Variants in SLC2A13 observed in about 807,000 individuals in gnomAD.
SLC2A13 encodes solute carrier family 2 member 13.
Under a neutral mutation model 64.4 loss-of-function variants are expected in SLC2A13, and 32 were observed. The ratio of observed to expected loss-of-function variants is 0.50; its 90% CI spans 0.37 to 0.67. SLC2A13 has a LOEUF of 0.67. SLC2A13 is among the 30% of genes least tolerant of loss of function. The pLI, the probability that SLC2A13 is intolerant of heterozygous loss-of-function variation, is 0.00. For missense variants in SLC2A13, 743 were observed against 829.2 expected, an observed-to-expected ratio of 0.90 and a Z score of 1.28; for synonymous variants, 338 against 327.1, an observed-to-expected ratio of 1.03 and a Z score of -0.36.
intron 2 of SLC2A13, among the ~76,000 whole-genome samples, chr12:40,038,604 A>G (rs1414099426): frequency 2.0e-5 from 3 of 151,788 alleles, no homozygotes; most frequent in African/African-American, 7.3e-5. Flanking sequence ...GGTGGCATGT[A>G]CTTCTAGTCC....
At position 40,028,295 on chromosome 12, in the gene SLC2A13, A is replaced by G; in HGVS notation, c.925+6T>C. 6.2e-7 allele frequency: 1 copy of G among 1,609,658 alleles called. No homozygotes were observed. Among genetic ancestry groups the G allele is most frequent in the Non-Finnish European group, 8.5e-7 (1 of 1,176,550 alleles). The stretch of plus-strand genomic sequence containing the variant: ...TTAAATTCATATAAGTATAAAGTCT[A>G]TATACCTGAGCCAACCTCTTTTTCC... On this transcript the variant is annotated splice_donor_region_variant and intron_variant, in intron 3 of 9. Coordinates refer to ENST00000280871, the MANE Select transcript of SLC2A13 (RefSeq NM_052885.4).
At chr12:40,100,217 G>A (rs1431395144) in intron 1 of SLC2A13, among the ~76,000 whole-genome samples, 1 of 152,176 alleles carries the variant, frequency 6.6e-6, no homozygotes, top group Non-Finnish European at 1.5e-5. Flanking sequence ...GGCTGACACA[G>A]GAGAAACTGA....
At position 40,105,307 on chromosome 12, in the gene SLC2A13, C is replaced by T; in HGVS notation, c.502G>A (p.Ala168Thr). The change falls in exon 1 of 10, where the codon GCC becomes ACC. Residue 168 changes from alanine to threonine, a missense_variant. By Grantham distance (58) the Ala-to-Thr change is moderately conservative (BLOSUM62 0). Transcript: ENST00000280871. The surrounding 1 kb of genome is among the most constrained non-coding windows in gnomAD (Gnocchi z 4.2). ...FTAGSAVLAA[A>T]NNKETLLAGR... is the part of the protein sequence containing the mutation. Reference sequence around the variant, plus strand: ...GCGAGCAGTGTCTCCTTGTTGTTGGCCGCAGCCAGCACCGCGGAGCCGGCG... The same window carrying T: ...GCGAGCAGTGTCTCCTTGTTGTTGGTCGCAGCCAGCACCGCGGAGCCGGCG... 1 of 1,601,534 alleles carries T rather than the reference C, an allele frequency of 6.2e-7. No homozygotes were observed. Among genetic ancestry groups the T allele is most frequent in the Non-Finnish European group, 8.5e-7 (1 of 1,175,808 alleles).
chr12:39,894,875 G>C (rs1210848426), intron 4 of SLC2A13, among the ~76,000 whole-genome samples: 1 of 152,176 alleles, frequency 6.6e-6, no homozygotes, highest in African/African-American at 2.4e-5. Context: ...AAGAAAAAAA[G>C]AAGAAATGGA....
chr12:39,953,098 G>T (rs1218443913), intron 3 of SLC2A13, among the ~76,000 whole-genome samples: 1 of 152,212 alleles, frequency 6.6e-6, no homozygotes, highest in African/African-American at 2.4e-5. Context: ...TTGGAAAGAT[G>T]CATCTACTTT....
chr12:40,098,758 C>A (rs892594895), intron 1 of SLC2A13, among the ~76,000 whole-genome samples: 1 of 152,154 alleles, frequency 6.6e-6, no homozygotes, highest in Admixed American at 6.5e-5. Flanking sequence ...CCGTATTATC[C>A]CCCTGGGTTA....
chr12:39,895,725 C>T (rs1432897532), intron 4 of SLC2A13, among the ~76,000 whole-genome samples: 1 of 108,934 alleles, frequency 9.2e-6, no homozygotes, highest in African/African-American at 3.4e-5. Context: ...TATGTATATG[C>T]GTGTATACGT....
At chr12:39,867,129 C>A (rs918935836) in intron 5 of SLC2A13, among the ~76,000 whole-genome samples, 1 of 152,136 alleles carries the variant, frequency 6.6e-6, no homozygotes, top group Non-Finnish European at 1.5e-5. Context: ...ACAAAACGAA[C>A]CATGAGATTT....
chr12:39,801,861 G>C (rs1193753547), intron 7 of SLC2A13, among the ~76,000 whole-genome samples: 2 of 152,126 alleles, frequency 1.3e-5, no homozygotes, highest in Admixed American at 1.3e-4. Flanking sequence ...AGACTAATTA[G>C]GAAAGCAGAC....
At chr12:39,866,177 T>C (rs1313007634) in intron 5 of SLC2A13, among the ~76,000 whole-genome samples, 3 of 152,188 alleles carry the variant, frequency 2.0e-5, no homozygotes. Context: ...TGAACAAAAA[T>C]ATTCAAAATA....
At chr12:40,000,845 C>A (rs1405535464) in intron 3 of SLC2A13, among the ~76,000 whole-genome samples, 2 of 152,164 alleles carry the variant, frequency 1.3e-5, no homozygotes, top group African/African-American at 4.8e-5. Flanking sequence ...AGGACTTCAA[C>A]ATATGAATTT....
chr12:40,080,977 A>G (rs1938374884), intron 1 of SLC2A13, among the ~76,000 whole-genome samples: 1 of 152,196 alleles, frequency 6.6e-6, no homozygotes, highest in African/African-American at 2.4e-5. Context: ...TTGGCTGGAA[A>G]TGGAATTCTT....
intron 6 of SLC2A13, among the ~76,000 whole-genome samples, chr12:39,857,472 C>T (rs1186082425): frequency 6.6e-6 from 1 of 152,152 alleles, no homozygotes; most frequent in African/African-American, 2.4e-5. Context: ...CATTCCCCTC[C>T]AAAATATCTC....
intron 2 of SLC2A13, among the ~76,000 whole-genome samples, chr12:40,029,101 C>T (rs1330855947): frequency 6.6e-6 from 1 of 152,082 alleles, no homozygotes; most frequent in African/African-American, 2.4e-5. Flanking sequence ...AATCAATAAT[C>T]CTAATAAAAA....
chr12:39,796,057 C>T (rs996914105), intron 7 of SLC2A13, among the ~76,000 whole-genome samples: 38 of 152,142 alleles, frequency 2.5e-4, no homozygotes, highest in African/African-American at 8.4e-4. Flanking sequence ...TCCCCCCAGC[C>T]TCTGGCAACT....
chr12:40,065,991 T>C (rs971844333), intron 1 of SLC2A13, among the ~76,000 whole-genome samples: 1 of 152,162 alleles, frequency 6.6e-6, no homozygotes, highest in African/African-American at 2.4e-5. Context: ...GGCTAAACAG[T>C]CCCTCTAAAA....
In SLC2A13 at chr12:39,760,234, G is replaced by A. The variant is rs147724845; in HGVS notation, c.1739C>T (p.Ala580Val). The A allele has an allele frequency of 2.2e-5, 36 of 1,611,972 alleles. No individual in the cohort carries two copies. Among genetic ancestry groups the A allele is most frequent in the Middle Eastern group, 3.3e-4 (2 of 6,074 alleles). ...LTYYGAFFLY[A>V]GFAAVGLLFI... ...AAGGAGTCCCACAGCAGCAAATCCA[G>A]CATAGAGGAAGAAAGCTCCTGCAAC... Residue 580 changes from alanine to valine, a missense_variant, in exon 10 of 10, where the codon GCT becomes GTT. Around this residue, in one of 2 missense-constraint regions of SLC2A13, gnomAD observed 295 missense variants for 381.7 expected, o/e 0.77. Coordinates refer to ENST00000280871, the MANE Select transcript of SLC2A13 (RefSeq NM_052885.4).
chr12:39,797,080 C>T (rs1004868360), intron 7 of SLC2A13, among the ~76,000 whole-genome samples: 1 of 152,018 alleles, frequency 6.6e-6, no homozygotes, highest in Non-Finnish European at 1.5e-5. Context: ...TGTAGGCACC[C>T]GATAATGGAA....
At chr12:39,935,960 C>T (rs993547426) in intron 4 of SLC2A13, among the ~76,000 whole-genome samples, 3 of 149,038 alleles carry the variant, frequency 2.0e-5, no homozygotes, top group Non-Finnish European at 4.5e-5. Flanking sequence ...GCTTTACACA[C>T]CCTTCTTTAT....
Sources: allele counts gnomAD v4.1 joint callset (sites outside exome capture counted in the v4.1 genomes callset), GRCh38; gene constraint gnomAD v4.1.1; regional missense constraint gnomAD v4.1.1; non-coding constraint Gnocchi (gnomAD v3.1); transcripts MANE v1.5; gene names NCBI Gene and HGNC (gene_info 2026-07-23, HGNC 2026-07-21).